PGAP1: variants seen among roughly 807,000 people sequenced by gnomAD.
The protein encoded by PGAP1 is post-GPI attachment to proteins inositol deacylase 1.
In PGAP1, 76 loss-of-function variants were observed where a neutral mutation model predicts 127.0. The observed-to-expected ratio is 0.60, with a 90% confidence interval of 0.50 to 0.72. The LOEUF is 0.72. Among genes scored for constraint, PGAP1 ranks in the 30% least tolerant of loss-of-function variants. The pLI is 0.00. For synonymous variants in PGAP1, 362 were observed against 366.5 expected (o/e 0.99, Z 0.14); for missense variants, 982 against 1,071.3 (o/e 0.92, Z 1.16).
Position 196,911,994 on chromosome 2 carries a change from G to A in PGAP1, c.649+888C>T, listed in dbSNP as rs375139156. 4.8e-4 allele frequency among the ~76,000 whole-genome samples: 73 copies of A among 152,204 alleles called. No individual in the cohort carries two copies. In the South Asian group the frequency reaches 0.014, roughly 29 times the overall value. On this transcript the variant is annotated intron_variant, in intron 4 of 26. Transcript: ENST00000354764. ...AGCAATTTTGCCAGGGTCAAATACT[G>A]GTTTCACTACTTTCTTGCCACATGA...
intron 20 of PGAP1, among the ~76,000 whole-genome samples, chr2:196,855,293 T>C (rs1700841945): frequency 7.2e-6 from 1 of 138,048 alleles, no homozygotes; most frequent in Non-Finnish European, 1.5e-5. Flanking sequence ...GCCACTGCAC[T>C]CTAGCCTGGC....
chr2:196,890,053 C>A (rs1702049846), intron 10 of PGAP1, among the ~76,000 whole-genome samples: 1 of 151,864 alleles, frequency 6.6e-6, no homozygotes, highest in Non-Finnish European at 1.5e-5. Flanking sequence ...CCTTCCCCAG[C>A]CCCCCAAGTA....
rs143253730 is a variant in PGAP1, at chr2:196,844,012, G to A, written c.2401C>T (p.His801Tyr). The A allele has an allele frequency of 2.1e-5, 33 of 1,606,276 alleles. No individual in the cohort carries two copies. The highest frequency in any genetic ancestry group is 1.7e-4 in the Middle Eastern group (1 of 6,044). Residue 801 changes from histidine to tyrosine, a missense_variant, in exon 25 of 27, where the codon CAT (histidine) becomes TAT (tyrosine). Physicochemically the swap from His to Tyr is moderately conservative, Grantham distance 83. Coordinates refer to ENST00000354764, the MANE Select transcript of PGAP1 (RefSeq NM_024989.4). ...SNHHKDSSIH[H>Y]LRLSANDAED... is the part of the protein sequence containing the mutation. The stretch of plus-strand genomic sequence containing the variant: ...GCATCGTTGGCAGATAAACGAAGAT[G>A]GTGTATTGAGGAGTCTTTATGATGA...
chr2:196,924,092 G>A (rs531197671), intron 1 of PGAP1, among the ~76,000 whole-genome samples: 3 of 152,210 alleles, frequency 2.0e-5, no homozygotes, highest in Non-Finnish European at 2.9e-5. Flanking sequence ...AAGATGAATA[G>A]AGATAATCAA....
chr2:196,898,298 T>G lies in PGAP1; in HGVS notation c.860+19A>C. 1 of 1,565,940 alleles carries G rather than the reference T, an allele frequency of 6.4e-7. No individual in the cohort carries two copies. Among genetic ancestry groups the G allele is most frequent in the Non-Finnish European group, 8.8e-7 (1 of 1,141,274 alleles). Reference sequence around the variant, plus strand: ...ACCATGACAACTCATCAAAACAAGTTATACAAGTATTAACTTACCACACAA... The same window carrying G: ...ACCATGACAACTCATCAAAACAAGTGATACAAGTATTAACTTACCACACAA... On this transcript the variant is annotated intron_variant, in intron 6 of 26. Coordinates refer to ENST00000354764, the MANE Select transcript of PGAP1 (RefSeq NM_024989.4).
intron 2 of PGAP1, among the ~76,000 whole-genome samples, chr2:196,917,415 A>C (rs950030248): frequency 6.6e-6 from 1 of 152,216 alleles, no homozygotes; most frequent in African/African-American, 2.4e-5. Context: ...TCTCTGGTAT[A>C]TATTTTACAA....
chr2:196,864,492 C>T (rs532812492), intron 20 of PGAP1, among the ~76,000 whole-genome samples: 6 of 150,072 alleles, frequency 4.0e-5, no homozygotes, highest in South Asian at 4.2e-4. Context: ...CCCCTTTTTA[C>T]GTCATAAATA....
At chr2:196,850,662 A>G (rs1294792080) in intron 20 of PGAP1, among the ~76,000 whole-genome samples, 1 of 151,854 alleles carries the variant, frequency 6.6e-6, no homozygotes, top group South Asian at 2.1e-4. Flanking sequence ...GGAAGGAGGA[A>G]GGAACAACAG....
intron 1 of PGAP1, among the ~76,000 whole-genome samples, chr2:196,923,173 T>C (rs1703261623): frequency 6.6e-6 from 1 of 152,222 alleles, no homozygotes; most frequent in Non-Finnish European, 1.5e-5. Context: ...AGAGATATTT[T>C]ACATATATAC....
intron 19 of PGAP1, among the ~76,000 whole-genome samples, chr2:196,868,594 C>T (rs1701316734): frequency 6.6e-6 from 1 of 152,152 alleles, no homozygotes; most frequent in Non-Finnish European, 1.5e-5. Context: ...GATCTGGCAA[C>T]ACTGGACTTC....
At position 196,844,097 on chromosome 2, in the gene PGAP1, A is replaced by G. The variant is rs758794960; in HGVS notation, c.2338-22T>C. ...GATTCTATAAAACAATAAAGTAGAA[A>G]TATCAAGACACTAAACAAAAGTATA... On this transcript the variant is annotated intron_variant, in intron 24 of 26. Coordinates refer to ENST00000354764, the MANE Select transcript of PGAP1 (RefSeq NM_024989.4). 5.7e-6 allele frequency: 8 copies of G among 1,406,800 alleles called. No individual in the cohort carries two copies. In the African/African-American group the frequency reaches 8.6e-5, roughly 15 times the overall value. 87.1% of individuals were successfully genotyped at this position (1,406,800 alleles called of 1,614,324 possible). A position where few individuals can be genotyped will look rare whatever the true frequency, so the allele number is the denominator to read the frequency against.
chr2:196,913,189 C>G (rs769773276), intron 3 of PGAP1, 136 bp from the exon 4 acceptor site: 51 of 760,196 alleles, frequency 6.7e-5, no homozygotes, highest in Non-Finnish European at 9.9e-5. Flanking sequence ...TCATAAGGTA[C>G]AGAAATACAT....
Position 196,873,665 on chromosome 2 carries a change from T to C in PGAP1, c.1500+20A>G. 6.2e-7 allele frequency: 1 copy of C among 1,601,868 alleles called. No homozygotes were observed. Among genetic ancestry groups the C allele is most frequent in the Non-Finnish European group, 8.6e-7 (1 of 1,169,400 alleles). On this transcript the variant is annotated intron_variant, in intron 15 of 26. Coordinates refer to ENST00000354764, the MANE Select transcript of PGAP1 (RefSeq NM_024989.4). ...TTAAAGTAAAATCAAATCCTTTTTC[T>C]TGTAGTCAGGATTAATTACCTGTCC...
intron 4 of PGAP1, among the ~76,000 whole-genome samples, chr2:196,903,966 C>A (rs1238786258): frequency 6.6e-6 from 1 of 152,200 alleles, no homozygotes; most frequent in Admixed American, 6.5e-5. Flanking sequence ...CTCAGCAGTA[C>A]TTACTTAGAT....
intron 26 of PGAP1, among the ~76,000 whole-genome samples, chr2:196,842,504 AG>A (rs1700442540): frequency 6.6e-6 from 1 of 152,060 alleles, no homozygotes; most frequent in African/African-American, 2.4e-5. Context: ...ATGTCTTTAT[AG>A]GGTTAACTTC....
rs1389895741 is a variant in PGAP1 at position 196,919,989 on chromosome 2, AG to A, written c.301+7del. 2.3e-5 allele frequency: 37 copies of A among 1,597,186 alleles called. No individual in the cohort carries two copies. Among genetic ancestry groups the A allele is most frequent in the Non-Finnish European group, 2.8e-5 (33 of 1,174,702 alleles). On this transcript the variant is annotated splice_region_variant and intron_variant, in intron 2 of 26. Coordinates refer to ENST00000354764, the MANE Select transcript of PGAP1 (RefSeq NM_024989.4). Reference sequence around the variant, plus strand: ...TAGCTTTCAAAATTTACTTCCAGTAAGACTTACCTTGCTTATAACTTCCAGC... The same window carrying A: ...TAGCTTTCAAAATTTACTTCCAGTAAACTTACCTTGCTTATAACTTCCAGC...
At chr2:196,853,642 T>C (rs1164572240) in intron 20 of PGAP1, among the ~76,000 whole-genome samples, 1 of 152,156 alleles carries the variant, frequency 6.6e-6, no homozygotes. Flanking sequence ...CTTTTGGTAA[T>C]AAAAAACCTA....
At chr2:196,925,303 G>A (rs145367255) in intron 1 of PGAP1, among the ~76,000 whole-genome samples, 81 of 152,182 alleles carry the variant, frequency 5.3e-4, no homozygotes, top group African/African-American at 1.9e-3. Flanking sequence ...TCAAGTAACA[G>A]GCTTCCTCCA....
Position 196,898,903 on chromosome 2 carries a change from C to T in PGAP1, c.808-534G>A, listed in dbSNP as rs140460250. ...AACTACCAAATCTGACTTTCCCAAG[C>T]GGGGTCCAGGGTTATATATTTTGAA... is the stretch of plus-strand genomic sequence containing the variant. On this transcript the variant is annotated intron_variant, in intron 5 of 26. Transcript: ENST00000354764. 1.0e-4 allele frequency among the ~76,000 whole-genome samples: 15 copies of T among 150,218 alleles called. No homozygotes were observed. In the South Asian group the frequency reaches 1.1e-3, roughly 11 times the overall value.
Sources: gnomAD v4.1 joint callset for allele counts (sites outside exome capture counted in the v4.1 genomes callset) on GRCh38, gnomAD v4.1.1 for gene constraint, MANE v1.5 for transcripts, NCBI Gene and HGNC (gene_info 2026-07-23, HGNC 2026-07-21) for gene names.